Variants in FAT1 observed in about 807,000 individuals in gnomAD.
FAT1 encodes the protein FAT atypical cadherin 1, also known as protocadherin Fat 1.
FAT1 carries 171 observed loss-of-function variants against 329.8 expected under a neutral mutation model. The ratio of observed to expected loss-of-function variants is 0.52; its 90% confidence interval spans 0.46 to 0.59. The LOEUF is 0.59. Ranked by LOEUF, FAT1 falls within the 20% of genes least tolerant of loss-of-function variation. The pLI, the probability that FAT1 is intolerant of heterozygous loss-of-function variation, is 0.00. For synonymous variants in FAT1, 2,233 were observed against 2,228.6 expected (o/e 1.00, Z -0.06); for missense variants, 5,672 against 5,774.4 (o/e 0.98, Z 0.57).
At position 186,708,164 on chromosome 4, in the gene FAT1, G is replaced by C. The variant is rs757405148; in HGVS notation, c.1664C>G (p.Ala555Gly). 6.2e-7 allele frequency: 1 copy of C among 1,613,986 alleles called. No individual in the cohort carries two copies. Among genetic ancestry groups the C allele is most frequent in the South Asian group, 1.1e-5 (1 of 91,078 alleles). The change falls in exon 2 of 27, where the codon GCT becomes GGT. Residue 555 changes from alanine (A) to glycine (G), a missense_variant. Coordinates refer to ENST00000441802, the MANE Select transcript of FAT1 (RefSeq NM_005245.4). ...LPYRREVEVLATITLNNLNDN... is the reference protein window; with the variant it reads ...LPYRREVEVLGTITLNNLNDN... ...ATTCAAGTTATTGAGAGTAATTGTA[G>C]CAAGGACTTCGACTTCCCGGCGGTA... is the stretch of plus-strand genomic sequence containing the variant.
In FAT1 at chr4:186,620,555, G is replaced by T. The variant is rs753261532; in HGVS notation, c.6031C>A (p.Pro2011Thr). 5 of 1,613,838 alleles carry T rather than the reference G, an allele frequency of 3.1e-6. No homozygotes were observed. The highest frequency in any genetic ancestry group is 2.7e-5 in the African/African-American group (2 of 74,916). The change falls in exon 10 of 27, where the codon CCT (proline) becomes ACT (threonine). Residue 2011 changes from proline to threonine, a missense_variant. Physicochemically the swap from Pro to Thr is conservative, Grantham distance 38 (BLOSUM62 -1). Coordinates refer to ENST00000441802, the MANE Select transcript of FAT1 (RefSeq NM_005245.4). ...GGGTTGAGGATGTGATAAAACAAAG[G>T]CTCATTGATTGGATTCCCAATAGCA... ...ITAIGNPINE[P>T]LFYHILNPDR...
In FAT1 at chr4:186,671,526, C is replaced by T. The variant is rs552019389; in HGVS notation, c.3266-7913G>A. ...CAGCCTGCCCAACATGTTGAAACCC[C>T]GTCTCTACTAAAAATACAAAAAATG... is the stretch of plus-strand genomic sequence containing the variant. On this transcript the variant is annotated intron_variant, in intron 2 of 26. Transcript: ENST00000441802. Among the ~76,000 whole-genome samples, 926 of 151,900 alleles carry T rather than the reference C, an allele frequency of 6.1e-3. 13 individuals carry two copies. The highest frequency in any genetic ancestry group is 0.021 in the African/African-American group (887 of 41,428).
intron 4 of FAT1, among the ~76,000 whole-genome samples, chr4:186,638,924 G>C (rs960779943): frequency 6.6e-5 from 10 of 151,414 alleles, no homozygotes; most frequent in African/African-American, 2.0e-4. Context: ...CCCTCTCTGC[G>C]GTCTGCCTGT....
chr4:186,700,683 G>A (rs1012752524), intron 2 of FAT1, among the ~76,000 whole-genome samples: 20 of 152,136 alleles, frequency 1.3e-4, no homozygotes, highest in Non-Finnish European at 2.9e-4. Flanking sequence ...AGTAAAATGC[G>A]GTTCTGGCAC....
Position 186,596,427 on chromosome 4 carries a change from G to T in FAT1, c.13000+113C>A, listed in dbSNP as rs546190907. ...GTTTCAAATCATCATACGGATTTCA[G>T]TCTGAGCATACTTGTCTCTAATGAA... On this transcript the variant is annotated intron_variant, in intron 25 of 26. Coordinates refer to ENST00000441802, the MANE Select transcript of FAT1 (RefSeq NM_005245.4). This position sits in a 1 kb window ranked among gnomAD's most constrained non-coding sequence, Gnocchi z 4.7. 1.7e-5 allele frequency: 21 copies of T among 1,202,834 alleles called. No homozygotes were observed. The South Asian group carries it at 2.6e-4, about 15-fold the overall frequency. 74.5% of individuals were successfully genotyped at this position (1,202,834 alleles called of 1,614,324 possible).
At chr4:186,672,562 G>A (rs2126633919) in intron 2 of FAT1, among the ~76,000 whole-genome samples, 1 of 152,288 alleles carries the variant, frequency 6.6e-6, no homozygotes, top group South Asian at 2.1e-4. Context: ...TGACAGGGAT[G>A]GCAACATAAC....
intron 1 of FAT1, among the ~76,000 whole-genome samples, chr4:186,715,848 T>C (rs764493410): frequency 5.9e-5 from 9 of 152,260 alleles, no homozygotes; most frequent in Non-Finnish European, 1.2e-4. Context: ...ATCTTTAGCA[T>C]AGATCTCTGA....
chr4:186,698,421 G>A (rs567724710), intron 2 of FAT1, among the ~76,000 whole-genome samples: 3 of 152,274 alleles, frequency 2.0e-5, no homozygotes, highest in South Asian at 2.1e-4. Context: ...ACTTACGTGC[G>A]CCCACAAAGA....
At chr4:186,614,603 T>A (rs1739617758) in intron 11 of FAT1, among the ~76,000 whole-genome samples, 1 of 152,208 alleles carries the variant, frequency 6.6e-6, no homozygotes, top group South Asian at 2.1e-4. Context: ...CAAAATGCTA[T>A]TATATGTTAT....
At chr4:186,712,089 T>A (rs1242036402) in intron 1 of FAT1, among the ~76,000 whole-genome samples, 1 of 152,240 alleles carries the variant, frequency 6.6e-6, no homozygotes, top group African/African-American at 2.4e-5. Flanking sequence ...TGCTTAATTC[T>A]ACGTATAAAG....
chr4:186,592,787 C>T (rs888402108), intron 26 of FAT1: 7 of 456,290 alleles, frequency 1.5e-5, no homozygotes, highest in Non-Finnish European at 3.1e-5. Flanking sequence ...CAATTAGGAA[C>T]ATCTTCAGTT....
intron 26 of FAT1, among the ~76,000 whole-genome samples, chr4:186,590,007 A>T (rs1738158453): frequency 6.6e-6 from 1 of 152,210 alleles, no homozygotes; most frequent in Admixed American, 6.5e-5. Context: ...CAAGCAAAAT[A>T]CAATTGAACA....
At chr4:186,610,198 G>T in intron 14 of FAT1, 183 bp from the exon 15 acceptor site, 2 of 563,236 alleles carry the variant, frequency 3.6e-6, no homozygotes, top group Non-Finnish European at 6.3e-6. Flanking sequence ...CCCATCCCTG[G>T]ATCTTTATTT....
In FAT1 at chr4:186,709,772, C is replaced by T. The variant is rs200192750; in HGVS notation, c.56G>A (p.Gly19Glu). ...LLLLLLFQHF[G>E]DSDGSQRLEQ... is the part of the protein sequence containing the mutation. ...AAGTCGTTGGCTGCCATCACTGTCT[C>T]CAAAATGTTGGAAGAGAAGGAGCAG... The change falls in exon 2 of 27, where the codon GGA becomes GAA. Residue 19 changes from glycine to glutamate, a missense_variant. Transcript: ENST00000441802. The T allele has an allele frequency of 6.2e-7, 1 of 1,612,514 alleles. No individual in the cohort carries two copies. Among genetic ancestry groups the T allele is most frequent in the Non-Finnish European group, 8.5e-7 (1 of 1,179,196 alleles).
chr4:186,633,599 C>T (rs1740688819), intron 7 of FAT1, 85 bp downstream of exon 7: 3 of 1,457,666 alleles, frequency 2.1e-6, no homozygotes, highest in African/African-American at 1.4e-5. Flanking sequence ...GGGCAGAATC[C>T]ACCGCTCATA....
rs2126382846 is a variant in FAT1 at position 186,595,796 on chromosome 4, G to A, written c.13031C>T (p.Ser4344Phe). ...AGGCTTTTCCTCTAGAGGCTTCTTG[G>A]AAAGACAGGGATCAAGATCCACCAC... ...TKVVDLDPCL[S>F]KKPLEEKPSQ... is the part of the protein sequence containing the mutation. The change falls in exon 26 of 27, where the codon TCC (serine) becomes TTC (phenylalanine). Residue 4344 changes from serine (S) to phenylalanine (F), a missense_variant. This residue lies in a region of FAT1 where 1,706 missense variants were observed against 1,859.1 expected (regional missense o/e 0.92). Coordinates refer to ENST00000441802, the MANE Select transcript of FAT1 (RefSeq NM_005245.4). 1 of 1,613,942 alleles carries A rather than the reference G, an allele frequency of 6.2e-7. No homozygotes were observed. The highest frequency in any genetic ancestry group is 8.5e-7 in the Non-Finnish European group (1 of 1,179,886).
At chr4:186,616,939 G>A in intron 11 of FAT1, 66 bp downstream of exon 11, 1 of 1,388,550 alleles carries the variant, frequency 7.2e-7, no homozygotes, top group Non-Finnish European at 1.0e-6. Context: ...GCCAAATGAT[G>A]GTCCCATTGA....
chr4:186,620,668 T>C lies in FAT1; in HGVS notation c.5918A>G (p.Lys1973Arg), dbSNP rs540343107. 2.5e-6 allele frequency: 4 copies of C among 1,614,022 alleles called. No homozygotes were observed. The African/African-American group carries it at 5.3e-5, about 22-fold the overall frequency. The change falls in exon 10 of 27, where the codon AAA becomes AGA. Residue 1973 changes from lysine (K) to arginine (R), a missense_variant. By Grantham distance (26) the Lys-to-Arg change is conservative. Around this residue, in one of 2 missense-constraint regions of FAT1, gnomAD observed 3,966 missense variants for 3,915.2 expected, o/e 1.01. Transcript: ENST00000441802. Reference sequence around the variant, plus strand: ...CTGGGTAAACTTTAGGTGACTTTCTTTGCTTTCTTTCACATTAATTTTGAC... The same window carrying C: ...CTGGGTAAACTTTAGGTGACTTTCTCTGCTTTCTTTCACATTAATTTTGAC... ...TSVKINVKES[K>R]ESHLKFTQDV...
chr4:186,594,320 C>G (rs1021455991), intron 26 of FAT1, among the ~76,000 whole-genome samples: 3 of 152,054 alleles, frequency 2.0e-5, no homozygotes, highest in African/African-American at 7.2e-5. Flanking sequence ...CTTCACCTCC[C>G]AAAGTGCTGG....
Sources: gnomAD v4.1 joint callset for allele counts (sites outside exome capture counted in the v4.1 genomes callset) on GRCh38, gnomAD v4.1.1 for gene constraint, gnomAD v4.1.1 regional missense constraint, Gnocchi (gnomAD v3.1) non-coding constraint, MANE v1.5 for transcripts, NCBI Gene and HGNC (gene_info 2026-07-23, HGNC 2026-07-21) for gene names.